The following RASSF10 variants were observed in gnomAD, a reference collection of about 807,000 sequenced individuals.
RASSF10 encodes ras association domain-containing protein 10.
In RASSF10, 22 loss-of-function variants were observed where a neutral mutation model predicts 41.5. The ratio of observed to expected loss-of-function variants is 0.53; its 90% CI spans 0.38 to 0.76. The LOEUF is 0.76. Among genes scored for constraint, RASSF10 ranks in the 30% least tolerant of loss-of-function variants. The pLI is 0.00. For missense variants in RASSF10, 776 were observed against 711.8 expected, an observed-to-expected ratio of 1.09 and a Z score of -1.03; for synonymous variants, 364 against 319.0, an observed-to-expected ratio of 1.14 and a Z score of -1.50.
chr11:13,010,844 A>G lies in RASSF10; in HGVS notation c.1268A>G (p.Asp423Gly), dbSNP rs1949573818. The G allele has an allele frequency of 6.2e-7, 1 of 1,613,786 alleles. No individual in the cohort carries two copies. Among genetic ancestry groups the G allele is most frequent in the Admixed American group, 1.7e-5 (1 of 60,004 alleles). ...SDLDYSQQQW[D>G]SKKRELQGLL... is the part of the protein sequence containing the mutation. ...TTGGATTACAGCCAGCAGCAATGGG[A>G]CAGCAAGAAGCGCGAGCTACAGGGC... The change falls in exon 1 of 1, where the codon GAC becomes GGC. Residue 423 changes from aspartate to glycine, a missense_variant. Asp to Gly is a moderately conservative substitution (Grantham distance 94). Transcript: ENST00000529419. This position sits in a 1 kb window ranked among gnomAD's most constrained non-coding sequence, Gnocchi z 4.8.
Position 13,009,535 on chromosome 11 carries a change from G to C in RASSF10, c.-42G>C. On this transcript the variant is annotated 5_prime_UTR_variant, in exon 1 of 1. Transcript: ENST00000529419. Reference sequence around the variant, plus strand: ...TGCCCTTGCTGTCCTCGCCGCCCCAGCAGACCCCGGCCGGACCTGCCACCT... The same window carrying C: ...TGCCCTTGCTGTCCTCGCCGCCCCACCAGACCCCGGCCGGACCTGCCACCT... 6.3e-7 allele frequency: 1 copy of C among 1,586,618 alleles called. No homozygotes were observed. Among genetic ancestry groups the C allele is most frequent in the Non-Finnish European group, 8.6e-7 (1 of 1,164,974 alleles).
In RASSF10 at chr11:13,010,160, C is replaced by G; in HGVS notation, c.584C>G (p.Thr195Arg). ...CTCAACCGGCGGCGCCAGCAGCAGA[C>G]ACCGTCGTCCTGTTCGTCCACTTCG... Reference protein sequence around the residue: ...AKLNRRRQQQTPSSCSSTSSS... With the variant: ...AKLNRRRQQQRPSSCSSTSSS... Residue 195 changes from threonine (T) to arginine (R), a missense_variant, in exon 1 of 1, where the codon ACA becomes AGA. Coordinates refer to ENST00000529419, the MANE Select transcript of RASSF10 (RefSeq NM_001080521.3). The surrounding 1 kb of genome is among the most constrained non-coding windows in gnomAD (Gnocchi z 4.8). 1 of 1,582,362 alleles carries G rather than the reference C, an allele frequency of 6.3e-7. No individual in the cohort carries two copies. Among genetic ancestry groups the G allele is most frequent in the Non-Finnish European group, 8.6e-7 (1 of 1,165,474 alleles).
rs761438895 is a variant in RASSF10 at position 13,010,058 on chromosome 11, C to A, written c.482C>A (p.Pro161Gln). The A allele has an allele frequency of 6.3e-5, 97 of 1,546,048 alleles. No individual in the cohort carries two copies. In the African/African-American group the frequency reaches 1.1e-3, roughly 17 times the overall value. The change falls in exon 1 of 1, where the codon CCG becomes CAG. Residue 161 changes from proline (P) to glutamine (Q), a missense_variant. By Grantham distance (76) the Pro-to-Gln change is moderately conservative. Transcript: ENST00000529419. The surrounding 1 kb of genome is among the most constrained non-coding windows in gnomAD (Gnocchi z 4.8). The stretch of plus-strand genomic sequence containing the variant: ...CGCCCCTGTCCGGCCCGCGGGGCCC[C>A]GGCGCGGCCCAGCCTGGCCATGACC... ...RERPCPARGA[P>Q]ARPSLAMTQE...
At position 13,010,744 on chromosome 11, in the gene RASSF10, GTCAGGACGCAGC is replaced by G. The variant is rs768886050; in HGVS notation, c.1173_1184del (p.Arg391_Leu394del). On this transcript the variant is annotated inframe_deletion, in exon 1 of 1. Coordinates refer to ENST00000529419, the MANE Select transcript of RASSF10 (RefSeq NM_001080521.3). This position sits in a 1 kb window ranked among gnomAD's most constrained non-coding sequence, Gnocchi z 4.8. ...CGAGCTGCTGCTGGAGCAGGAACGGGTCAGGACGCAGCTCAGTACCAGCCTTTACATTGGGCT... is the reference window on the plus strand; with the variant it reads ...CGAGCTGCTGCTGGAGCAGGAACGGGTCAGTACCAGCCTTTACATTGGGCT... 1.2e-6 allele frequency: 2 copies of G among 1,602,784 alleles called. No homozygotes were observed. Among genetic ancestry groups the G allele is most frequent in the African/African-American group, 2.7e-5 (2 of 74,904 alleles).
chr11:13,010,591 C>A lies in RASSF10; in HGVS notation c.1015C>A (p.Gln339Lys). 1 of 1,575,772 alleles carries A rather than the reference C, an allele frequency of 6.3e-7. No individual in the cohort carries two copies. The highest frequency in any genetic ancestry group is 1.2e-5 in the South Asian group (1 of 85,874). ...LLRLQEQRVQQEELLERLSAE... is the reference protein window; with the variant it reads ...LLRLQEQRVQKEELLERLSAE... ...GCGGCTTCAGGAGCAACGGGTTCAG[C>A]AGGAGGAGTTGCTGGAGCGCCTTTC... The change falls in exon 1 of 1, where the codon CAG becomes AAG. Residue 339 changes from glutamine to lysine, a missense_variant. Transcript: ENST00000529419. The surrounding 1 kb of genome is among the most constrained non-coding windows in gnomAD (Gnocchi z 4.8).
In RASSF10 at chr11:13,010,677, G is replaced by A. The variant is rs1464350925; in HGVS notation, c.1101G>A (p.Ala367=). The change falls in exon 1 of 1, where the codon GCG becomes GCA. Residue 367 remains alanine (A), a synonymous_variant. Coordinates refer to ENST00000529419, the MANE Select transcript of RASSF10 (RefSeq NM_001080521.3). This position sits in a 1 kb window ranked among gnomAD's most constrained non-coding sequence, Gnocchi z 4.8. The part of the protein sequence containing the change: ...RWMRRRQEEL[A]AREEPLEPDG... ...TGCGACGGCGCCAGGAGGAGCTGGC[G>A]GCGCGGGAGGAGCCCCTGGAGCCCG... 1.9e-6 allele frequency: 3 copies of A among 1,590,690 alleles called. No individual in the cohort carries two copies. The highest frequency in any genetic ancestry group is 2.3e-5 in the South Asian group (2 of 87,718).
chr11:13,010,093 C>G lies in RASSF10; in HGVS notation c.517C>G (p.Gln173Glu). 1.9e-6 allele frequency: 3 copies of G among 1,550,684 alleles called. No individual in the cohort carries two copies. Among genetic ancestry groups the G allele is most frequent in the Non-Finnish European group, 2.6e-6 (3 of 1,147,020 alleles). ...CAGCCTGGCCATGACCCAGGAGAAA[C>G]AGCGGCGAGTGGTGCGCAAGGCCTT... ...RPSLAMTQEK[Q>E]RRVVRKAFRK... Residue 173 changes from glutamine (Q) to glutamate (E), a missense_variant, in exon 1 of 1, where the codon CAG (glutamine) becomes GAG (glutamate). Coordinates refer to ENST00000529419, the MANE Select transcript of RASSF10 (RefSeq NM_001080521.3). This position sits in a 1 kb window ranked among gnomAD's most constrained non-coding sequence, Gnocchi z 4.8.
In RASSF10 at chr11:13,011,072, C is replaced by A. The variant is rs776405395; in HGVS notation, c.1496C>A (p.Ser499Tyr). ...LSSMHSQDSD[S>Y]LPMCESLV The stretch of plus-strand genomic sequence containing the variant: ...TCTATGCATAGCCAAGACTCGGACT[C>A]CTTGCCCATGTGCGAATCCCTTGTG... The change falls in exon 1 of 1, where the codon TCC becomes TAC. Residue 499 changes from serine (S) to tyrosine (Y), a missense_variant. Ser to Tyr is a moderately radical substitution (Grantham distance 144). Coordinates refer to ENST00000529419, the MANE Select transcript of RASSF10 (RefSeq NM_001080521.3). 3 of 1,573,910 alleles carry A rather than the reference C, an allele frequency of 1.9e-6. No homozygotes were observed. The highest frequency in any genetic ancestry group is 2.6e-6 in the Non-Finnish European group (3 of 1,159,190).
rs1326920388 is a variant in RASSF10, at chr11:13,010,598, A to T, written c.1022A>T (p.Glu341Val). 5 of 1,578,476 alleles carry T rather than the reference A, an allele frequency of 3.2e-6. No individual in the cohort carries two copies. The Admixed American group carries it at 7.3e-5, about 23-fold the overall frequency. The change falls in exon 1 of 1, where the codon GAG (glutamate) becomes GTG (valine). Residue 341 changes from glutamate to valine, a missense_variant. Coordinates refer to ENST00000529419, the MANE Select transcript of RASSF10 (RefSeq NM_001080521.3). The surrounding 1 kb of genome is among the most constrained non-coding windows in gnomAD (Gnocchi z 4.8). ...CAGGAGCAACGGGTTCAGCAGGAGG[A>T]GTTGCTGGAGCGCCTTTCAGCCGAG... Reference protein sequence around the residue: ...RLQEQRVQQEELLERLSAEIQ... With the variant: ...RLQEQRVQQEVLLERLSAEIQ...
Position 13,010,481 on chromosome 11 carries a change from A to AGGAGGCGGC in RASSF10, c.908_916dup (p.Glu303_Ala305dup), listed in dbSNP as rs1033059175. Reference sequence around the variant, plus strand: ...CCAGAAGAGGTGGCGGCGGAGGCGGAGGAGGCGGCGGCGGCGCCCCCTCTA... The same window carrying AGGAGGCGGC: ...CCAGAAGAGGTGGCGGCGGAGGCGGAGGAGGCGGCGGAGGCGGCGGCGGCGCCCCCTCTA... On this transcript the variant is annotated inframe_insertion, in exon 1 of 1. Transcript: ENST00000529419. The surrounding 1 kb of genome is among the most constrained non-coding windows in gnomAD (Gnocchi z 4.8). 2.0e-6 allele frequency: 3 copies of AGGAGGCGGC among 1,520,382 alleles called. No homozygotes were observed. In the African/African-American group the frequency reaches 4.2e-5, roughly 21 times the overall value. The allele number at this position is 1,520,382 out of a possible 1,614,324, so 94.2% of individuals were successfully genotyped here.
Position 13,009,469 on chromosome 11 carries a change from A to C in RASSF10, c.-108A>C, listed in dbSNP as rs1304691624. 1 of 1,512,794 alleles carries C rather than the reference A, an allele frequency of 6.6e-7. No homozygotes were observed. The highest frequency in any genetic ancestry group is 8.8e-7 in the Non-Finnish European group (1 of 1,134,034). The allele number at this position is 1,512,794 out of a possible 1,614,324, so 93.7% of individuals were successfully genotyped here. A position where few individuals can be genotyped will look rare whatever the true frequency, so the allele number is the denominator to read the frequency against. ...GGAACAGGGCTAGTGCAGCCGCCGG[A>C]GGGGGGCACGGGCTCCTCTCCCATC... On this transcript the variant is annotated 5_prime_UTR_variant, in exon 1 of 1. Coordinates refer to ENST00000529419, the MANE Select transcript of RASSF10 (RefSeq NM_001080521.3).
Position 13,011,022 on chromosome 11 carries a change from C to G in RASSF10, c.1446C>G (p.Asp482Glu). ...RGLAKSGPGN[D>E]EDSDTGLSSM... Reference sequence around the variant, plus strand: ...TGGCCAAGAGCGGTCCTGGCAACGACGAAGACTCGGATACGGGACTGAGCT... The same window carrying G: ...TGGCCAAGAGCGGTCCTGGCAACGAGGAAGACTCGGATACGGGACTGAGCT... Residue 482 changes from aspartate (D) to glutamate (E), a missense_variant, in exon 1 of 1, where the codon GAC becomes GAG. Physicochemically the swap from Asp to Glu is conservative, Grantham distance 45. Coordinates refer to ENST00000529419, the MANE Select transcript of RASSF10 (RefSeq NM_001080521.3). The G allele has an allele frequency of 6.2e-7, 1 of 1,611,388 alleles. No homozygotes were observed. The highest frequency in any genetic ancestry group is 8.5e-7 in the Non-Finnish European group (1 of 1,179,668).
chr11:13,011,089 TC>T lies in RASSF10; in HGVS notation c.1516del (p.Val507CysfsTer57). ...CTCGGACTCCTTGCCCATGTGCGAA[TC>T]CCTTGTGTAGGGGTGGGGGGCGGGG... is the stretch of plus-strand genomic sequence containing the variant. ...QDSDSLPMCESLV is the reference protein window; with the variant it reads ...QDSDSLPMCEXLV On this transcript the variant is annotated frameshift_variant, in exon 1 of 1. Coordinates refer to ENST00000529419, the MANE Select transcript of RASSF10 (RefSeq NM_001080521.3). LOFTEE classifies it high-confidence loss of function. 1 of 713,272 alleles carries T rather than the reference TC, an allele frequency of 1.4e-6. No individual in the cohort carries two copies. The highest frequency in any genetic ancestry group is 1.6e-5 in the South Asian group (1 of 62,624). The allele number at this position is 713,272 out of a possible 1,614,324, so 44.2% of individuals were successfully genotyped here. A position where few individuals can be genotyped will look rare whatever the true frequency, so the allele number is the denominator to read the frequency against.
chr11:13,010,532 TGGA>T lies in RASSF10; in HGVS notation c.961_963del (p.Glu321del), dbSNP rs1201024057. The T allele has an allele frequency of 2.6e-6, 4 of 1,526,032 alleles. No individual in the cohort carries two copies. Among genetic ancestry groups the T allele is most frequent in the Non-Finnish European group, 2.6e-6 (3 of 1,135,582 alleles). 94.5% of individuals were successfully genotyped at this position (1,526,032 alleles called of 1,614,324 possible). On this transcript the variant is annotated inframe_deletion, in exon 1 of 1. Transcript: ENST00000529419. This position sits in a 1 kb window ranked among gnomAD's most constrained non-coding sequence, Gnocchi z 4.8. ...GCCGGCGAGGCGCAGGCGGCGGCGC[TGGA>T]GGAGCTGGCCCGGCGCTGCGACGAC...
In RASSF10 at chr11:13,011,104, T is replaced by C; in HGVS notation, c.*4T>C. The C allele has an allele frequency of 6.9e-4, 21 of 30,548 alleles. No homozygotes were observed. Among genetic ancestry groups the C allele is most frequent in the Non-Finnish European group, 1.2e-3 (20 of 17,252 alleles). The allele number at this position is 30,548 out of a possible 1,614,324, so 1.9% of individuals were successfully genotyped here. A position where few individuals can be genotyped will look rare whatever the true frequency, so the allele number is the denominator to read the frequency against. On this transcript the variant is annotated 3_prime_UTR_variant, in exon 1 of 1. Transcript: ENST00000529419. ...CATGTGCGAATCCCTTGTGTAGGGGTGGGGGGCGGGGGGCGGGGGGCGGGA... is the reference window on the plus strand; with the variant it reads ...CATGTGCGAATCCCTTGTGTAGGGGCGGGGGGCGGGGGGCGGGGGGCGGGA...
chr11:13,009,382 C>A lies in RASSF10; in HGVS notation c.-195C>A, dbSNP rs1949554153. 2.3e-6 allele frequency: 3 copies of A among 1,310,364 alleles called. No homozygotes were observed. Among genetic ancestry groups the A allele is most frequent in the Middle Eastern group, 4.5e-4 (2 of 4,424 alleles). 81.2% of individuals were successfully genotyped at this position (1,310,364 alleles called of 1,614,324 possible). A position where few individuals can be genotyped will look rare whatever the true frequency, so the allele number is the denominator to read the frequency against. On this transcript the variant is annotated 5_prime_UTR_variant, in exon 1 of 1. Coordinates refer to ENST00000529419, the MANE Select transcript of RASSF10 (RefSeq NM_001080521.3). The stretch of plus-strand genomic sequence containing the variant: ...GGGAGCGCCCGTCGTCCGGGCAGAG[C>A]GCAGCCGCAACCGCGACCACAGCCG...
Position 13,009,645 on chromosome 11 carries a change from C to T in RASSF10, c.69C>T (p.Ser23=), listed in dbSNP as rs1255292614. 4.4e-6 allele frequency: 7 copies of T among 1,607,582 alleles called. No individual in the cohort carries two copies. Among genetic ancestry groups the T allele is most frequent in the Non-Finnish European group, 5.9e-6 (7 of 1,177,574 alleles). ...AAGAGAAGCTGGTGTCCGGCCTCTC[C>T]CGCCGCACCACTTGCTCCGACGTTG... ...CQEEKLVSGL[S]RRTTCSDVVR... is the part of the protein sequence containing the mutation. The change falls in exon 1 of 1, where the codon TCC becomes TCT. Residue 23 remains serine (S), a synonymous_variant. Transcript: ENST00000529419.
chr11:13,012,034 T>C lies in RASSF10; in HGVS notation c.*934T>C, dbSNP rs1949583700. On this transcript the variant is annotated 3_prime_UTR_variant, in exon 1 of 1. Transcript: ENST00000529419. ...AAACTTGCTGTCTAACAAGCACTCT[T>C]TGAAAGCAAAGATGTTTTAGTGTTC... is the stretch of plus-strand genomic sequence containing the variant. The C allele has an allele frequency of 6.6e-6, 1 of 152,204 alleles. No individual in the cohort carries two copies. Among genetic ancestry groups the C allele is most frequent in the South Asian group, 2.1e-4 (1 of 4,822 alleles). The allele number at this position is 152,204 out of a possible 1,614,324, so 9.4% of individuals were successfully genotyped here.
chr11:13,010,402 A>G lies in RASSF10; in HGVS notation c.826A>G (p.Thr276Ala). The G allele has an allele frequency of 6.5e-7, 1 of 1,549,494 alleles. No individual in the cohort carries two copies. Residue 276 changes from threonine to alanine, a missense_variant, in exon 1 of 1, where the codon ACT becomes GCT. By Grantham distance (58) the Thr-to-Ala change is moderately conservative (BLOSUM62 0). Coordinates refer to ENST00000529419, the MANE Select transcript of RASSF10 (RefSeq NM_001080521.3). This position sits in a 1 kb window ranked among gnomAD's most constrained non-coding sequence, Gnocchi z 4.8. ...TCACGGGGTCAACTACGTGCAGGAC[A>G]CTTACTTGGTTGGGGCAGGCATCGA... ...RRHGVNYVQD[T>A]YLVGAGIELD...
Sources: allele counts gnomAD v4.1 joint callset, GRCh38; gene constraint gnomAD v4.1.1; non-coding constraint Gnocchi (gnomAD v3.1); transcripts MANE v1.5; gene names NCBI Gene and HGNC (gene_info 2026-07-23, HGNC 2026-07-21).